Variants in BRWD3 observed in about 807,000 individuals in gnomAD.
BRWD3 encodes bromodomain and WD repeat domain containing 3.
A neutral mutation model predicts 149.7 loss-of-function variants in BRWD3; 10 were observed. The ratio of observed to expected loss-of-function variants is 0.07; its 90% CI spans 0.04 to 0.11. BRWD3 has a LOEUF of 0.11. Ranked by LOEUF, BRWD3 falls within the 10% of genes least tolerant of loss-of-function variation. The pLI is 1.00. For synonymous variants in BRWD3, 504 were observed against 456.7 expected, an observed-to-expected ratio of 1.10 and a Z score of -1.32; for missense variants, 940 against 1,373.2, an observed-to-expected ratio of 0.68 and a Z score of 4.99.
Position 80,687,003 on chromosome X carries a change from C to G in BRWD3, c.3865G>C (p.Val1289Leu). Residue 1289 changes from valine (V) to leucine (L), a missense_variant and splice_region_variant, in exon 35 of 41, where the codon GTC (valine) becomes CTC (leucine). Coordinates refer to ENST00000373275, the MANE Select transcript of BRWD3 (RefSeq NM_153252.5). ...GACTGTCTTCTGCCTCGGCATTTGA[C>G]CTACAGATTTTAATAGAGTTATATC... ...DGPGTSSGRK[V>L]KCRGRRQSLK... The G allele has an allele frequency of 2.5e-6, 3 of 1,207,343 alleles. No homozygotes were observed. The highest frequency in any genetic ancestry group is 3.4e-6 in the Non-Finnish European group (3 of 892,754).
chrX:80,740,071 A>G (rs774426044), intron 8 of BRWD3, among the ~76,000 whole-genome samples: 51 of 112,340 alleles, frequency 4.5e-4, no homozygotes, highest in African/African-American at 1.5e-3. Context: ...AATGCATGAA[A>G]TAATTTCAAA....
At chrX:80,712,950 C>G (rs1406665796) in intron 20 of BRWD3, among the ~76,000 whole-genome samples, 2 of 109,191 alleles carry the variant, frequency 1.8e-5, no homozygotes, top group African/African-American at 6.6e-5. Flanking sequence ...CTCCTCCGCC[C>G]GGCACCCACC....
chrX:80,769,979 C>T (rs1320805801), intron 6 of BRWD3, among the ~76,000 whole-genome samples: 1 of 111,674 alleles, frequency 9.0e-6, no homozygotes, highest in Non-Finnish European at 1.9e-5. Flanking sequence ...CACCTCTATG[C>T]AAATAAACTA....
chrX:80,759,193 AG>A (rs1267187337), intron 6 of BRWD3, among the ~76,000 whole-genome samples: 4 of 112,294 alleles, frequency 3.6e-5, no homozygotes, highest in African/African-American at 1.3e-4. Flanking sequence ...AGTGCTCAGA[AG>A]AAAGAGAAAA....
chrX:80,796,458 G>GA (rs1454489679), intron 4 of BRWD3, among the ~76,000 whole-genome samples: 3 of 111,638 alleles, frequency 2.7e-5, no homozygotes, highest in Non-Finnish European at 5.6e-5. Flanking sequence ...AATTCCTGGA[G>GA]AAAAAATCTC....
chrX:80,790,758 A>G (rs189771975), intron 6 of BRWD3, among the ~76,000 whole-genome samples: 23 of 112,257 alleles, frequency 2.0e-4, no homozygotes, highest in African/African-American at 7.4e-4. Context: ...TAATGTTGAC[A>G]GTATAGCTAA....
chrX:80,765,340 G>A (rs888966425), intron 6 of BRWD3, among the ~76,000 whole-genome samples: 1 of 111,871 alleles, frequency 8.9e-6, no homozygotes, highest in Admixed American at 9.5e-5. Flanking sequence ...GAAAGAGAAT[G>A]TCTGAAATAC....
chrX:80,757,572 A>G (rs2073756774), intron 6 of BRWD3, among the ~76,000 whole-genome samples: 1 of 112,353 alleles, frequency 8.9e-6, no homozygotes, highest in East Asian at 2.8e-4. Context: ...AAATTAGTCA[A>G]ATATAGATTT....
intron 4 of BRWD3, among the ~76,000 whole-genome samples, chrX:80,794,572 C>T (rs1199714927): frequency 1.8e-5 from 2 of 108,732 alleles, no homozygotes; most frequent in Non-Finnish European, 3.8e-5. Context: ...TATATATTTT[C>T]CATATATATA....
At chrX:80,739,466 A>C (rs1457671790) in intron 8 of BRWD3, among the ~76,000 whole-genome samples, 1 of 111,954 alleles carries the variant, frequency 8.9e-6, no homozygotes, top group Non-Finnish European at 1.9e-5. Context: ...GAGAATCATC[A>C]GTTTACAGAT....
chrX:80,714,832 A>G (rs753284829), intron 20 of BRWD3, among the ~76,000 whole-genome samples: 55 of 112,578 alleles, frequency 4.9e-4, no homozygotes, highest in Non-Finnish European at 8.4e-4. Context: ...ACAATATAGA[A>G]GAAGAGAAAT....
intron 40 of BRWD3, among the ~76,000 whole-genome samples, chrX:80,679,361 T>G (rs1339921206): frequency 2.7e-5 from 3 of 112,574 alleles, no homozygotes; most frequent in Non-Finnish European, 5.6e-5. Flanking sequence ...GAAAGATGGT[T>G]ATGCCATTAA....
rs2147659895 is a variant in BRWD3, at chrX:80,670,012, T to A, written c.*6597A>T. Among the ~76,000 whole-genome samples, 2 of 110,975 alleles carry A rather than the reference T, an allele frequency of 1.8e-5. No individual in the cohort carries two copies. The highest frequency in any genetic ancestry group is 3.8e-5 in the Non-Finnish European group (2 of 52,908). On this transcript the variant is annotated 3_prime_UTR_variant, in exon 41 of 41. Transcript: ENST00000373275. The stretch of plus-strand genomic sequence containing the variant: ...GTTAAAACTAGATGTCTAGAATAAT[T>A]AAAATTATAAGATTTTATAATTATA...
intron 22 of BRWD3, 71 bp from the exon 23 acceptor site, chrX:80,704,917 C>A: frequency 9.8e-7 from 1 of 1,019,034 alleles, no homozygotes. Flanking sequence ...ATTGAAAGAT[C>A]ATTCTGTAAG....
intron 6 of BRWD3, among the ~76,000 whole-genome samples, chrX:80,765,382 C>A (rs1182066962): frequency 1.8e-5 from 2 of 111,759 alleles, no homozygotes; most frequent in African/African-American, 3.3e-5. Context: ...CATAGTATTA[C>A]CATGCCCTGT....
At chrX:80,725,866 A>G (rs1173274981) in intron 14 of BRWD3, among the ~76,000 whole-genome samples, 1 of 105,498 alleles carries the variant, frequency 9.5e-6, no homozygotes, top group African/African-American at 3.6e-5. Context: ...ATAACATAAC[A>G]TGTTTACATG....
chrX:80,748,186 G>A (rs2073619489), intron 6 of BRWD3, among the ~76,000 whole-genome samples: 1 of 110,175 alleles, frequency 9.1e-6, no homozygotes, highest in Admixed American at 9.7e-5. Flanking sequence ...ATTTTATCAT[G>A]AATACATGTT....
rs1455108978 is a variant in BRWD3 at position 80,670,156 on chromosome X, G to A, written c.*6453C>T. On this transcript the variant is annotated 3_prime_UTR_variant, in exon 41 of 41. Coordinates refer to ENST00000373275, the MANE Select transcript of BRWD3 (RefSeq NM_153252.5). ...GAAAATGTTTCCCTAGAACTTTGGG[G>A]GAAAAATCGATACCGTAAAAAGTTT... Among the ~76,000 whole-genome samples the A allele has an allele frequency of 9.0e-6, 1 of 110,750 alleles. No homozygotes were observed. The highest frequency in any genetic ancestry group is 1.9e-5 in the Non-Finnish European group (1 of 52,919).
chrX:80,694,589 G>A (rs180680148), intron 27 of BRWD3, among the ~76,000 whole-genome samples: 1 of 111,708 alleles, frequency 9.0e-6, no homozygotes, highest in Admixed American at 9.4e-5. Flanking sequence ...CAAGAGCATG[G>A]GAACTCACCT....
Sources: gnomAD v4.1 joint callset for allele counts (sites outside exome capture counted in the v4.1 genomes callset) on GRCh38, gnomAD v4.1.1 for gene constraint, MANE v1.5 for transcripts, NCBI Gene and HGNC (gene_info 2026-07-23, HGNC 2026-07-21) for gene names.